Variants in INTS15 observed in about 807,000 individuals in gnomAD.
The protein encoded by INTS15 is uncharacterized protein C7orf26.
At chr7:6,605,969 G>A in the INTS15 span, among the ~76,000 whole-genome samples, 12 of 151,842 alleles carry the variant, frequency 7.9e-5, no homozygotes, top group African/African-American at 2.9e-4. Flanking sequence ...AAAGTGCTGG[G>A]ATTACAGGTG....
At chr7:6,590,186 C>T in the INTS15 span, 18 of 1,145,104 alleles carry the variant, frequency 1.6e-5, no homozygotes, top group East Asian at 4.9e-4. Flanking sequence ...GCAGCCCAGG[C>T]CCGGGTCGCG....
the INTS15 span, chr7:6,600,048 T>C: frequency 6.2e-7 from 1 of 1,614,210 alleles, no homozygotes; most frequent in Non-Finnish European, 8.5e-7. Flanking sequence ...AATGGCCATG[T>C]CAGCAACAAG....
chr7:6,592,712 G>A, the INTS15 span, among the ~76,000 whole-genome samples: 1 of 150,464 alleles, frequency 6.6e-6, no homozygotes. Flanking sequence ...GGGCTCAAGT[G>A]ATCCTCCTAC....
At chr7:6,592,005 C>G in the INTS15 span, 5 of 691,716 alleles carry the variant, frequency 7.2e-6, no homozygotes, top group South Asian at 1.9e-5. Flanking sequence ...AATCATGTCT[C>G]TACTAAAAAT....
the INTS15 span, chr7:6,594,366 G>A: frequency 6.6e-7 from 1 of 1,516,608 alleles, no homozygotes; most frequent in Non-Finnish European, 9.1e-7. Context: ...TGGTCACTGT[G>A]TGTGCATAGT....
At chr7:6,597,728 A>C in the INTS15 span, among the ~76,000 whole-genome samples, 1 of 36,102 alleles carries the variant, frequency 2.8e-5, no homozygotes, top group Admixed American at 2.5e-4. Flanking sequence ...GCAGATCTGA[A>C]ACTGTTTTTC....
chr7:6,608,303 T>G, the INTS15 span: 1 of 1,439,454 alleles, frequency 6.9e-7, no homozygotes, highest in Non-Finnish European at 9.1e-7. Flanking sequence ...TGTCACGGAG[T>G]CCAGGTGCTT....
chr7:6,600,217 C>G, the INTS15 span: 9 of 1,614,184 alleles, frequency 5.6e-6, no homozygotes, highest in Non-Finnish European at 7.6e-6. Context: ...ACCACATGGT[C>G]CCGCTGGTAG....
the INTS15 span, chr7:6,591,770 C>G: frequency 2.2e-5 from 36 of 1,614,008 alleles, no homozygotes; most frequent in African/African-American, 4.5e-4. Flanking sequence ...GGGAACAAAG[C>G]CGATGACAGC....
the INTS15 span, chr7:6,601,975 G>A: frequency 1.2e-6 from 1 of 827,756 alleles, no homozygotes; most frequent in Non-Finnish European, 2.0e-6. Context: ...GTTTCTAAAT[G>A]ACACTAGGGA....
At chr7:6,608,600 G>A in the INTS15 span, 1 of 925,324 alleles carries the variant, frequency 1.1e-6, no homozygotes, top group Non-Finnish European at 1.3e-6. Flanking sequence ...GTGACCACAA[G>A]CTTATGTGCA....
At chr7:6,594,702 T>C in the INTS15 span, 36,291 of 1,110,512 alleles carry the variant, frequency 0.033, 712 homozygotes, top group Middle Eastern at 0.077. Flanking sequence ...ATGCTTTGGC[T>C]GTTTTGTCTC....
chr7:6,590,267 G>T, the INTS15 span: 17 of 1,501,668 alleles, frequency 1.1e-5, no homozygotes, highest in Non-Finnish European at 1.5e-5. Context: ...CGGCGCGGGG[G>T]CCGCGGCGGC....
chr7:6,600,188 C>A, the INTS15 span: 1 of 1,614,220 alleles, frequency 6.2e-7, no homozygotes. Flanking sequence ...GTATGGGCGC[C>A]TGGGGCTGAT....
chr7:6,602,666 C>T, the INTS15 span: 16 of 471,098 alleles, frequency 3.4e-5, no homozygotes, highest in Admixed American at 3.3e-4. Flanking sequence ...ACTCACAGGA[C>T]GGTAGTGAGG....
chr7:6,592,419 T>A, the INTS15 span, among the ~76,000 whole-genome samples: 1 of 151,418 alleles, frequency 6.6e-6, no homozygotes, highest in East Asian at 2.0e-4. Flanking sequence ...ATACAGAAAT[T>A]AGCCAGGCGT....
At chr7:6,590,200 CTT>C in the INTS15 span, 5 of 1,273,722 alleles carry the variant, frequency 3.9e-6, no homozygotes, top group Admixed American at 4.0e-5. Flanking sequence ...GGTCGCGCCT[CTT>C]TGTTTCCACG....
the INTS15 span, among the ~76,000 whole-genome samples, chr7:6,592,032 A>C: frequency 6.6e-6 from 1 of 152,018 alleles, no homozygotes; most frequent in Non-Finnish European, 1.5e-5. Context: ...TTAGCCGGGC[A>C]TGGTGTTGCA....
At chr7:6,590,542 G>C in the INTS15 span, 1 of 1,452,198 alleles carries the variant, frequency 6.9e-7, no homozygotes, top group Non-Finnish European at 9.1e-7. Context: ...CCCCAGCGAT[G>C]CAGGGCTGTG....
Sources: allele counts gnomAD v4.1 joint callset (sites outside exome capture counted in the v4.1 genomes callset), GRCh38; gene constraint gnomAD v4.1.1; transcripts MANE v1.5; gene names NCBI Gene and HGNC (gene_info 2026-07-23, HGNC 2026-07-21).